HMG20B: variants seen among roughly 807,000 people sequenced by gnomAD.
The protein encoded by HMG20B is high mobility group 20B, also known as SWI/SNF-related matrix-associated actin-dependent regulator of chromatin subfamily E member 1-related.
A neutral mutation model predicts 41.6 loss-of-function variants in HMG20B; 24 were observed. That is an observed-to-expected ratio of 0.58 (90% CI 0.42 to 0.81). The LOEUF (loss-of-function observed/expected upper bound fraction) is 0.81. Among genes scored for constraint, HMG20B ranks in the 30% least tolerant of loss-of-function variants. The pLI is 0.00. For synonymous variants in HMG20B, 251 were observed against 186.6 expected, an observed-to-expected ratio of 1.34 and a Z score of -2.81; for missense variants, 461 against 444.0, an observed-to-expected ratio of 1.04 and a Z score of -0.34.
At chr19:3,573,510 G>T in intron 2 of HMG20B, 163 bp downstream of exon 2, 2 of 912,428 alleles carry the variant, frequency 2.2e-6, no homozygotes, top group Non-Finnish European at 3.1e-6. Flanking sequence ...TCGGCCTCCA[G>T]TCCCTCCCAG....
In HMG20B at chr19:3,578,772, C is replaced by A. The variant is rs781637439; in HGVS notation, c.*251C>A. On this transcript the variant is annotated 3_prime_UTR_variant, in exon 10 of 10. Coordinates refer to ENST00000333651, the MANE Select transcript of HMG20B (RefSeq NM_006339.3). ...GAACCTCACAGCCGAGGGTGCCCCT[C>A]CTCGGAGGACAGCCACGCGCTACAC... is the stretch of plus-strand genomic sequence containing the variant. The A allele has an allele frequency of 1.3e-6, 1 of 745,808 alleles. No homozygotes were observed. Among genetic ancestry groups the A allele is most frequent in the Non-Finnish European group, 2.4e-6 (1 of 411,752 alleles). The allele number at this position is 745,808 out of a possible 1,614,324, so 46.2% of individuals were successfully genotyped here. A position where few individuals can be genotyped will look rare whatever the true frequency, so the allele number is the denominator to read the frequency against.
At position 3,574,355 on chromosome 19, in the gene HMG20B, C is replaced by T. The variant is rs777524987; in HGVS notation, c.148-28C>T. ...CCCTGCCCCAGTACGCCAGGCCCCCCTCCCAACGACGCAGCCCGGTTCTGC... is the reference window on the plus strand; with the variant it reads ...CCCTGCCCCAGTACGCCAGGCCCCCTTCCCAACGACGCAGCCCGGTTCTGC... On this transcript the variant is annotated intron_variant, in intron 3 of 9. Coordinates refer to ENST00000333651, the MANE Select transcript of HMG20B (RefSeq NM_006339.3). 1.5e-5 allele frequency: 23 copies of T among 1,555,052 alleles called. No homozygotes were observed. The African/African-American group carries it at 1.9e-4, about 13-fold the overall frequency.
chr19:3,577,949 AC>A, intron 8 of HMG20B, 31 bp from the exon 9 acceptor site: 1 of 1,543,288 alleles, frequency 6.5e-7, no homozygotes. Flanking sequence ...ACTCCCCGGC[AC>A]CCTCGCCTGA....
In HMG20B at chr19:3,577,047, CA is replaced by C. The variant is rs2032178458; in HGVS notation, c.749del (p.Gln250ArgfsTer194). The C allele has an allele frequency of 6.5e-7, 1 of 1,547,394 alleles. No individual in the cohort carries two copies. Among genetic ancestry groups the C allele is most frequent in the Admixed American group, 2.0e-5 (1 of 51,002 alleles). On this transcript the variant is annotated frameshift_variant, in exon 8 of 10. Coordinates refer to ENST00000333651, the MANE Select transcript of HMG20B (RefSeq NM_006339.3). LOFTEE classifies it high-confidence loss of function. ...GGAGCGGAGGACGCTGGCGCTGCAG[CA>C]GCAGCTCCAGGCCGTGCGCCAGGCG... ...LEERRTLALQ[Q>X]QLQAVRQALT...
intron 6 of HMG20B, 32 bp downstream of exon 6, chr19:3,576,339 G>A (rs757155458): frequency 1.2e-6 from 2 of 1,607,188 alleles, no homozygotes; most frequent in African/African-American, 2.7e-5. Flanking sequence ...AAAGCACCTG[G>A]GGGAGAAAGG....
rs932711211 is a variant in HMG20B, at chr19:3,578,105, G to C, written c.933G>C (p.Gln311His). ...LIVRIKEILA[Q>H]VASEHL ...TCCGCATCAAGGAAATCCTGGCCCAGGTCGCCAGGTGTGTGCCGGGCGAGG... is the reference window on the plus strand; with the variant it reads ...TCCGCATCAAGGAAATCCTGGCCCACGTCGCCAGGTGTGTGCCGGGCGAGG... Residue 311 changes from glutamine to histidine, a missense_variant, in exon 9 of 10, where the codon CAG becomes CAC. Around this residue, in one of 3 missense-constraint regions of HMG20B, gnomAD observed 308 missense variants for 283.4 expected, o/e 1.09. Coordinates refer to ENST00000333651, the MANE Select transcript of HMG20B (RefSeq NM_006339.3). 2.5e-6 allele frequency: 4 copies of C among 1,611,038 alleles called. No homozygotes were observed. The highest frequency in any genetic ancestry group is 3.3e-5 in the Admixed American group (2 of 59,972).
chr19:3,574,715 CTTTT>C (rs142748294), intron 4 of HMG20B, 129 bp downstream of exon 4: 815 of 582,294 alleles, frequency 1.4e-3, no homozygotes, highest in Admixed American at 1.8e-3. Flanking sequence ...CCATAACCAA[CTTTT>C]TTTTTTTTTT....
Position 3,578,067 on chromosome 19 carries a change from G to C in HMG20B, c.895G>C (p.Glu299Gln). The change falls in exon 9 of 10, where the codon GAG becomes CAG. Residue 299 changes from glutamate (E) to glutamine (Q), a missense_variant. Physicochemically the swap from Glu to Gln is conservative, Grantham distance 29 (BLOSUM62 2). Around this residue, in one of 3 missense-constraint regions of HMG20B, gnomAD observed 308 missense variants for 283.4 expected, o/e 1.09. Coordinates refer to ENST00000333651, the MANE Select transcript of HMG20B (RefSeq NM_006339.3). ...GAIERDPAQH[E>Q]KLIVRIKEIL... Reference sequence around the variant, plus strand: ...CATCGAGCGCGACCCCGCCCAGCACGAGAAGCTCATCGTCCGCATCAAGGA... The same window carrying C: ...CATCGAGCGCGACCCCGCCCAGCACCAGAAGCTCATCGTCCGCATCAAGGA... 6.2e-7 allele frequency: 1 copy of C among 1,611,438 alleles called. No homozygotes were observed. The highest frequency in any genetic ancestry group is 8.5e-7 in the Non-Finnish European group (1 of 1,179,458).
rs772329634 is a variant in HMG20B at position 3,576,267 on chromosome 19, C to G, written c.479C>G (p.Ser160Trp). Residue 160 changes from serine (S) to tryptophan (W), a missense_variant, in exon 6 of 10, where the codon TCG becomes TGG. Physicochemically the swap from Ser to Trp is radical, Grantham distance 177. This residue lies in a region of HMG20B where 308 missense variants were observed against 283.4 expected (regional missense o/e 1.09). Coordinates refer to ENST00000333651, the MANE Select transcript of HMG20B (RefSeq NM_006339.3). ...CCTTCCCCTCCCCCGCCAGAAGACT[C>G]GAGCTCTGGGCTCATGAACACTCTC... ...IQEKKIKKEDSSSGLMNTLLN... is the reference protein window; with the variant it reads ...IQEKKIKKEDWSSGLMNTLLN... 10 of 1,613,834 alleles carry G rather than the reference C, an allele frequency of 6.2e-6. No individual in the cohort carries two copies. The highest frequency in any genetic ancestry group is 2.2e-5 in the East Asian group (1 of 44,874).
rs1160147412 is a variant in HMG20B, at chr19:3,578,922, G to A, written c.*401G>A. On this transcript the variant is annotated 3_prime_UTR_variant, in exon 10 of 10. Coordinates refer to ENST00000333651, the MANE Select transcript of HMG20B (RefSeq NM_006339.3). Reference sequence around the variant, plus strand: ...GGCCACACAGGAAGCTGCCTTGTGGGGACTTACCTGGGGTGTCCCCCGCAT... The same window carrying A: ...GGCCACACAGGAAGCTGCCTTGTGGAGACTTACCTGGGGTGTCCCCCGCAT... 6.4e-6 allele frequency: 3 copies of A among 466,862 alleles called. No individual in the cohort carries two copies. The highest frequency in any genetic ancestry group is 1.3e-5 in the Non-Finnish European group (3 of 238,952). 28.9% of individuals were successfully genotyped at this position (466,862 alleles called of 1,614,324 possible). A position where few individuals can be genotyped will look rare whatever the true frequency, so the allele number is the denominator to read the frequency against.
chr19:3,578,643 G>T lies in HMG20B; in HGVS notation c.*122G>T, dbSNP rs762603111. 11 of 1,256,128 alleles carry T rather than the reference G, an allele frequency of 8.8e-6. No individual in the cohort carries two copies. The highest frequency in any genetic ancestry group is 1.3e-5 in the South Asian group (1 of 78,014). 77.8% of individuals were successfully genotyped at this position (1,256,128 alleles called of 1,614,324 possible). A position where few individuals can be genotyped will look rare whatever the true frequency, so the allele number is the denominator to read the frequency against. ...CCTGGTCCCATCCTGCACCTTGGGG[G>T]CTCCAGCCCCCCTAAAATTAAATTT... On this transcript the variant is annotated 3_prime_UTR_variant, in exon 10 of 10. Coordinates refer to ENST00000333651, the MANE Select transcript of HMG20B (RefSeq NM_006339.3).
In HMG20B at chr19:3,575,592, G is replaced by A. The variant is rs2032140471; in HGVS notation, c.404G>A (p.Arg135Gln). The A allele has an allele frequency of 6.4e-7, 1 of 1,555,472 alleles. No homozygotes were observed. Among genetic ancestry groups the A allele is most frequent in the Non-Finnish European group, 8.7e-7 (1 of 1,149,546 alleles). ...AAGCAGCAGTACATGAAGGAGCTGC[G>A]GGCGTACCAGCAGTCTGAAGCCTAT... ...REKQQYMKEL[R>Q]AYQQSEAYKM... Residue 135 changes from arginine to glutamine, a missense_variant, in exon 5 of 10, where the codon CGG (arginine) becomes CAG (glutamine). By Grantham distance (43) the Arg-to-Gln change is conservative. This residue lies in a region of HMG20B where 308 missense variants were observed against 283.4 expected (regional missense o/e 1.09). Transcript: ENST00000333651.
At chr19:3,576,418 C>T (rs1599856033) in intron 6 of HMG20B, 111 bp downstream of exon 6, 2 of 1,356,094 alleles carry the variant, frequency 1.5e-6, no homozygotes, top group Admixed American at 1.7e-5. Context: ...GGGGCGGTGC[C>T]ACTGCACCGT....
intron 3 of HMG20B, 90 bp from the exon 4 acceptor site, chr19:3,574,293 G>T: frequency 4.3e-6 from 1 of 233,384 alleles, no homozygotes. Context: ...CCCCATCCCC[G>T]CCCATACGCG....
intron 5 of HMG20B, 109 bp downstream of exon 5, chr19:3,575,769 C>G: frequency 5.6e-6 from 5 of 894,794 alleles, no homozygotes; most frequent in South Asian, 3.3e-5. Flanking sequence ...TAGTGAAACC[C>G]TCCCCCTCTA....
rs1599854336 is a variant in HMG20B, at chr19:3,574,597, CG to C, written c.351+15del. The C allele has an allele frequency of 1.3e-6, 2 of 1,580,018 alleles. No homozygotes were observed. Among genetic ancestry groups the C allele is most frequent in the Non-Finnish European group, 8.6e-7 (1 of 1,166,316 alleles). ...CCAACGGAAAAGCAGGTGGGCGGGGCGGGGCGCCGAGCAGGGCTGGCGGGGT... is the reference window on the plus strand; with the variant it reads ...CCAACGGAAAAGCAGGTGGGCGGGGCGGGCGCCGAGCAGGGCTGGCGGGGT... On this transcript the variant is annotated intron_variant, in intron 4 of 9. Transcript: ENST00000333651.
In HMG20B at chr19:3,579,001, C is replaced by G. The variant is rs904996901; in HGVS notation, c.*480C>G. The stretch of plus-strand genomic sequence containing the variant: ...CTTTGCCCATCCTGCTCTCCTCCAG[C>G]CGAGGGACCCTGGTGGGGGTGGCTC... On this transcript the variant is annotated 3_prime_UTR_variant, in exon 10 of 10. Transcript: ENST00000333651. This position sits in a 1 kb window ranked among gnomAD's most constrained non-coding sequence, Gnocchi z 7.4. The G allele has an allele frequency of 5.6e-6, 2 of 354,972 alleles. No homozygotes were observed. The highest frequency in any genetic ancestry group is 7.8e-5 in the Admixed American group (2 of 25,712). The allele number at this position is 354,972 out of a possible 1,614,324, so 22.0% of individuals were successfully genotyped here.
intron 5 of HMG20B, 112 bp downstream of exon 5, chr19:3,575,772 C>T: frequency 1.2e-6 from 1 of 869,352 alleles, no homozygotes; most frequent in Non-Finnish European, 1.7e-6. Context: ...TGAAACCCTC[C>T]CCCTCTACTA....
chr19:3,574,306 A>G (rs2032109579), intron 3 of HMG20B, 77 bp from the exon 4 acceptor site: 7 of 462,976 alleles, frequency 1.5e-5, no homozygotes, highest in South Asian at 2.3e-5. Context: ...CATACGCGTT[A>G]GGCCCCGCCC....
Sources: allele counts gnomAD v4.1 joint callset, GRCh38; gene constraint gnomAD v4.1.1; regional missense constraint gnomAD v4.1.1; non-coding constraint Gnocchi (gnomAD v3.1); transcripts MANE v1.5; gene names NCBI Gene and HGNC (gene_info 2026-07-23, HGNC 2026-07-21).